MED27: variants seen among roughly 807,000 people sequenced by gnomAD.
MED27 encodes mediator complex subunit 27.
In MED27, 30 loss-of-function variants were observed where a neutral mutation model predicts 38.2. That is an observed-to-expected ratio of 0.79 (90% CI 0.59 to 1.07). The LOEUF (loss-of-function observed/expected upper bound fraction) is 1.07. MED27 is among the 50% of genes least tolerant of loss of function. The pLI, the probability that MED27 is intolerant of heterozygous loss-of-function variation, is 0.00. For synonymous variants in MED27, 122 were observed against 153.5 expected (o/e 0.79, Z 1.52); for missense variants, 289 against 397.5 (o/e 0.73, Z 2.32).
intron 4 of MED27, among the ~76,000 whole-genome samples, chr9:131,912,836 T>C (rs1014160440): frequency 2.6e-5 from 4 of 152,172 alleles, no homozygotes; most frequent in Non-Finnish European, 5.9e-5. Flanking sequence ...AATCATTCCA[T>C]GTTAGCGAGC....
At chr9:131,938,979 C>G (rs1224772142) in intron 4 of MED27, among the ~76,000 whole-genome samples, 1 of 152,222 alleles carries the variant, frequency 6.6e-6, no homozygotes, top group Non-Finnish European at 1.5e-5. Flanking sequence ...TCCCAAAGTG[C>G]TGGGATTACA....
chr9:132,002,927 AAG>A (rs1229066472), intron 3 of MED27, among the ~76,000 whole-genome samples: 6 of 151,244 alleles, frequency 4.0e-5, no homozygotes, highest in African/African-American at 9.7e-5. Flanking sequence ...TCAAAAAAAA[AAG>A]AAAAAAGAAA....
At chr9:132,070,044 G>A (rs1321243469) in intron 2 of MED27, among the ~76,000 whole-genome samples, 1 of 152,252 alleles carries the variant, frequency 6.6e-6, no homozygotes, top group Non-Finnish European at 1.5e-5. Context: ...AGCCCCGGAA[G>A]GTGGAAGCTA....
intron 4 of MED27, among the ~76,000 whole-genome samples, chr9:131,936,293 G>A (rs1211321176): frequency 1.3e-5 from 2 of 152,100 alleles, no homozygotes; most frequent in African/African-American, 2.4e-5. Context: ...AGGTGTCCCC[G>A]CAGCCACGGG....
intron 2 of MED27, among the ~76,000 whole-genome samples, chr9:132,072,792 T>C (rs768348942): frequency 1.3e-5 from 2 of 152,110 alleles, no homozygotes; most frequent in Non-Finnish European, 2.9e-5. Flanking sequence ...TTCTCTCCTA[T>C]TATATTCTGA....
chr9:131,886,479 C>A (rs1839143016), intron 5 of MED27, among the ~76,000 whole-genome samples: 1 of 152,184 alleles, frequency 6.6e-6, no homozygotes, highest in Non-Finnish European at 1.5e-5. Context: ...CACAAAAACC[C>A]TCAACAGATC....
intron 4 of MED27, among the ~76,000 whole-genome samples, chr9:131,938,703 G>A (rs1198335679): frequency 1.3e-5 from 2 of 151,350 alleles, no homozygotes; most frequent in African/African-American, 2.4e-5. Context: ...TTAAGAGAGT[G>A]TTTTCTTTTT....
intron 4 of MED27, among the ~76,000 whole-genome samples, chr9:131,923,526 G>T (rs1830433364): frequency 6.6e-6 from 1 of 152,144 alleles, no homozygotes; most frequent in Non-Finnish European, 1.5e-5. Context: ...ATCCCCTAAG[G>T]CATGGTCACA....
At chr9:131,877,239 T>C (rs1417680102) in intron 6 of MED27, among the ~76,000 whole-genome samples, 1 of 152,108 alleles carries the variant, frequency 6.6e-6, no homozygotes, top group Non-Finnish European at 1.5e-5. Flanking sequence ...GAAGGAAATG[T>C]AGAGGAGGCT....
In MED27 at chr9:131,872,622, C is replaced by T. The variant is rs1190873636; in HGVS notation, c.724-9482G>A. On this transcript the variant is annotated intron_variant, in intron 6 of 7. Transcript: ENST00000292035. The surrounding 1 kb of genome is among the most constrained non-coding windows in gnomAD (Gnocchi z 5.6). ...CTTAGTGGCGAATGGCCTGGGGGGC[C>T]TCTTCCCTGCTGGCCCTCGGTAGAA... 6.6e-6 allele frequency among the ~76,000 whole-genome samples: 1 copy of T among 151,312 alleles called. No homozygotes were observed. Among genetic ancestry groups the T allele is most frequent in the Non-Finnish European group, 1.5e-5 (1 of 68,044 alleles).
rs116189576 is a variant in MED27 at position 131,897,659 on chromosome 9, G to A, written c.574-3667C>T. Among the ~76,000 whole-genome samples, 1,187 of 152,336 alleles carry A rather than the reference G, an allele frequency of 7.8e-3. 14 individuals carry two copies. The highest frequency in any genetic ancestry group is 0.027 in the African/African-American group (1,128 of 41,568). On this transcript the variant is annotated intron_variant, in intron 4 of 7. Transcript: ENST00000292035. ...GGGAAAAGGAGGTGGAGGTGGAGGT[G>A]ACAAGATTGGCCAAGAGTTGGTCAT...
At chr9:132,047,441 G>GAC (rs56144736) in intron 2 of MED27, among the ~76,000 whole-genome samples, 7,752 of 144,598 alleles carry the variant, frequency 0.054, 279 homozygotes, top group East Asian at 0.15. Flanking sequence ...TAATGTTTTA[G>GAC]ACACACACAC....
intron 2 of MED27, chr9:132,031,825 A>T (rs555087265): frequency 1.3e-5 from 2 of 152,112 alleles, no homozygotes; most frequent in African/African-American, 2.4e-5. Context: ...AGTTAAACAG[A>T]TCCTGAAAAT....
chr9:131,927,824 T>C (rs957398645), intron 4 of MED27, among the ~76,000 whole-genome samples: 2 of 152,128 alleles, frequency 1.3e-5, no homozygotes, highest in Non-Finnish European at 2.9e-5. Flanking sequence ...AAACTGTCGA[T>C]GATGGACTGA....
intron 2 of MED27, among the ~76,000 whole-genome samples, chr9:132,030,076 C>T (rs1388200473): frequency 1.3e-5 from 2 of 152,174 alleles, no homozygotes; most frequent in Non-Finnish European, 2.9e-5. Flanking sequence ...TTTTCAAAGA[C>T]AGGGAGGGAT....
intron 4 of MED27, among the ~76,000 whole-genome samples, chr9:131,897,640 A>AGGAGGT (rs1184935944): frequency 6.6e-6 from 1 of 152,196 alleles, no homozygotes. Flanking sequence ...GGGAGGGAAA[A>AGGAGGT]GGAGGTGGAG....
intron 2 of MED27, among the ~76,000 whole-genome samples, chr9:132,025,461 C>T (rs1256140856): frequency 6.6e-6 from 1 of 152,190 alleles, no homozygotes; most frequent in Admixed American, 6.5e-5. Flanking sequence ...GGATTACAGG[C>T]GTGAGCCACC....
At chr9:131,905,701 C>CA (rs58848280) in intron 4 of MED27, among the ~76,000 whole-genome samples, 617 of 60,862 alleles carry the variant, frequency 0.01, 22 homozygotes, top group East Asian at 0.029. Flanking sequence ...AAGACCTTGT[C>CA]AAAAAAAAAA....
At chr9:132,041,701 TAGTC>T in intron 2 of MED27, among the ~76,000 whole-genome samples, 1 of 152,306 alleles carries the variant, frequency 6.6e-6, no homozygotes, top group East Asian at 1.9e-4. Flanking sequence ...AATAGTCAAA[TAGTC>T]AGTGTGCTGA....
Sources: gnomAD v4.1 joint callset for allele counts (sites outside exome capture counted in the v4.1 genomes callset) on GRCh38, gnomAD v4.1.1 for gene constraint, Gnocchi (gnomAD v3.1) non-coding constraint, MANE v1.5 for transcripts, NCBI Gene and HGNC (gene_info 2026-07-23, HGNC 2026-07-21) for gene names.